Variants in STARD4 observed in about 807,000 individuals in gnomAD.
STARD4 encodes stAR-related lipid transfer protein 4.
In STARD4, 33 loss-of-function variants were observed where a neutral mutation model predicts 24.9. That is an observed-to-expected ratio of 1.32 (90% CI 1.00 to 1.77). The LOEUF (loss-of-function observed/expected upper bound fraction) is 1.77, where lower values mean the gene tolerates loss of function less well. Ranked by LOEUF, STARD4 falls within the 40% of genes most tolerant of loss-of-function variation. STARD4 has a pLI of 0.00. For synonymous variants in STARD4, 88 were observed against 77.4 expected, an observed-to-expected ratio of 1.14 and a Z score of -0.72; for missense variants, 238 against 249.3, an observed-to-expected ratio of 0.95 and a Z score of 0.31.
intron 5 of STARD4, chr5:111,500,386 A>AC (rs1756347550): frequency 9.8e-6 from 11 of 1,126,196 alleles, no homozygotes; most frequent in Non-Finnish European, 1.2e-5. Flanking sequence ...TGGTTGTAGT[A>AC]TCCAGGCCTT....
chr5:111,502,943 C>T (rs758044795), intron 3 of STARD4, among the ~76,000 whole-genome samples: 35 of 152,004 alleles, frequency 2.3e-4, no homozygotes, highest in Non-Finnish European at 3.5e-4. Context: ...GGCTATACTA[C>T]GTGTCATAAT....
In STARD4 at chr5:111,507,930, A is replaced by G. The variant is rs1361801706; in HGVS notation, c.-9-488T>C. Among the ~76,000 whole-genome samples the G allele has an allele frequency of 1.3e-5, 2 of 152,160 alleles. No individual in the cohort carries two copies. The highest frequency in any genetic ancestry group is 1.3e-4 in the Admixed American group (2 of 15,282). On this transcript the variant is annotated intron_variant, in intron 1 of 5. Transcript: ENST00000296632. The surrounding 1 kb of genome is among the most constrained non-coding windows in gnomAD (Gnocchi z 4.4). Reference sequence around the variant, plus strand: ...CAATTTACTATTAAAATGGCAATTGAGCCCAAGTTCTCAAGTCAAAAGGCT... The same window carrying G: ...CAATTTACTATTAAAATGGCAATTGGGCCCAAGTTCTCAAGTCAAAAGGCT...
intron 1 of STARD4, among the ~76,000 whole-genome samples, chr5:111,511,554 A>G (rs1157040552): frequency 1.3e-5 from 2 of 152,170 alleles, no homozygotes; most frequent in Non-Finnish European, 2.9e-5. Context: ...CTTAATGTCT[A>G]TACATTTTCC....
chr5:111,503,937 G>C (rs1284372299), intron 3 of STARD4, among the ~76,000 whole-genome samples: 1 of 152,106 alleles, frequency 6.6e-6, no homozygotes, highest in Non-Finnish European at 1.5e-5. Flanking sequence ...CCAAAGAAAA[G>C]ATGTGCAAAG....
chr5:111,497,070 T>C lies in STARD4; in HGVS notation c.*2816A>G, dbSNP rs1358727530. Reference sequence around the variant, plus strand: ...GAAACTAATTTCCTTAAAAAATAGCTACTATATACTGAAAACAGTATTATG... The same window carrying C: ...GAAACTAATTTCCTTAAAAAATAGCCACTATATACTGAAAACAGTATTATG... On this transcript the variant is annotated 3_prime_UTR_variant, in exon 6 of 6. Coordinates refer to ENST00000296632, the MANE Select transcript of STARD4 (RefSeq NM_139164.3). 1 of 152,034 alleles carries C rather than the reference T, an allele frequency of 6.6e-6. No individual in the cohort carries two copies. Among genetic ancestry groups the C allele is most frequent in the Non-Finnish European group, 1.5e-5 (1 of 67,924 alleles). The allele number at this position is 152,034 out of a possible 1,614,324, so 9.4% of individuals were successfully genotyped here. A position where few individuals can be genotyped will look rare whatever the true frequency, so the allele number is the denominator to read the frequency against.
chr5:111,500,444 G>A (rs907649121), intron 5 of STARD4: 8 of 1,062,930 alleles, frequency 7.5e-6, no homozygotes, highest in African/African-American at 6.7e-5. Flanking sequence ...TCCCCACAGC[G>A]ACTACCATAT....
rs1421935738 is a variant in STARD4, at chr5:111,497,257, A to G, written c.*2629T>C. 3.3e-5 allele frequency: 5 copies of G among 152,084 alleles called. No homozygotes were observed. The highest frequency in any genetic ancestry group is 7.4e-5 in the Non-Finnish European group (5 of 67,936). 9.4% of individuals were successfully genotyped at this position (152,084 alleles called of 1,614,324 possible). ...GAAAATATTTGCTGGCAATAATTTT[A>G]TCTCATTGACAACTGATTTATATCT... On this transcript the variant is annotated 3_prime_UTR_variant, in exon 6 of 6. Coordinates refer to ENST00000296632, the MANE Select transcript of STARD4 (RefSeq NM_139164.3).
chr5:111,501,815 C>T lies in STARD4; in HGVS notation c.282+147G>A, dbSNP rs1388631155. The T allele has an allele frequency of 4.5e-6, 5 of 1,103,680 alleles. No individual in the cohort carries two copies. In the African/African-American group the frequency reaches 7.8e-5, roughly 17 times the overall value. 68.4% of individuals were successfully genotyped at this position (1,103,680 alleles called of 1,614,324 possible). A position where few individuals can be genotyped will look rare whatever the true frequency, so the allele number is the denominator to read the frequency against. ...AAACTTTTTAAGAGGCAGCATGGGA[C>T]TCCCCTGTGATATCTTTGTCGTGAC... On this transcript the variant is annotated intron_variant, in intron 4 of 5. Coordinates refer to ENST00000296632, the MANE Select transcript of STARD4 (RefSeq NM_139164.3).
intron 1 of STARD4, among the ~76,000 whole-genome samples, chr5:111,508,426 C>A (rs1757018649): frequency 6.6e-6 from 1 of 152,054 alleles, no homozygotes; most frequent in Non-Finnish European, 1.5e-5. Flanking sequence ...GCCAGGGCAC[C>A]AATTTCTTAG....
At chr5:111,502,818 G>T (rs77859156) in intron 3 of STARD4, among the ~76,000 whole-genome samples, 1,952 of 136,996 alleles carry the variant, frequency 0.014, 24 homozygotes, top group Middle Eastern at 0.032. Flanking sequence ...AATAATGAAG[G>T]GTTTTTTTTT....
chr5:111,501,212 T>C (rs1756426486), intron 4 of STARD4, 96 bp from the exon 5 acceptor site: 7 of 1,227,344 alleles, frequency 5.7e-6, no homozygotes, highest in Non-Finnish European at 7.7e-6. Flanking sequence ...CTAATATTTA[T>C]TTAAAATGTT....
intron 1 of STARD4, among the ~76,000 whole-genome samples, chr5:111,510,377 C>T (rs1212182238): frequency 1.3e-5 from 2 of 152,214 alleles, no homozygotes; most frequent in Admixed American, 1.3e-4. Flanking sequence ...CTCCTGCAAT[C>T]TCCAACTGTG....
In STARD4 at chr5:111,499,828, G is replaced by T. The variant is rs866169800; in HGVS notation, c.*58C>A. The T allele has an allele frequency of 6.8e-6, 10 of 1,464,286 alleles. No individual in the cohort carries two copies. The highest frequency in any genetic ancestry group is 1.8e-4 in the Middle Eastern group (1 of 5,658). 90.7% of individuals were successfully genotyped at this position (1,464,286 alleles called of 1,614,324 possible). The stretch of plus-strand genomic sequence containing the variant: ...AAAAGTGGAATCAATGATTTTTACA[G>T]GCCATGTAGCTGAGAGAGTTGATCT... On this transcript the variant is annotated 3_prime_UTR_variant, in exon 6 of 6. Transcript: ENST00000296632.
chr5:111,508,579 A>C (rs1362451243), intron 1 of STARD4, among the ~76,000 whole-genome samples: 2 of 152,180 alleles, frequency 1.3e-5, no homozygotes, highest in Admixed American at 1.3e-4. Flanking sequence ...CATCTAAATG[A>C]AATCTCCTAA....
At position 111,501,444 on chromosome 5, in the gene STARD4, A is replaced by C. The variant is rs116205512; in HGVS notation, c.283-328T>G. On this transcript the variant is annotated intron_variant, in intron 4 of 5. Transcript: ENST00000296632. ...TTCAGTGTTTAAGATCAAATCCACAAATACTTTGACTGCAACATCAAACAT... is the reference window on the plus strand; with the variant it reads ...TTCAGTGTTTAAGATCAAATCCACACATACTTTGACTGCAACATCAAACAT... Among the ~76,000 whole-genome samples the C allele has an allele frequency of 4.2e-3, 647 of 152,336 alleles. 5 individuals carry two copies. Among genetic ancestry groups the C allele is most frequent in the African/African-American group, 0.014 (580 of 41,570 alleles).
intron 5 of STARD4, 134 bp downstream of exon 5, chr5:111,500,868 A>G: frequency 6.3e-7 from 1 of 1,579,436 alleles, no homozygotes; most frequent in Non-Finnish European, 8.6e-7. Flanking sequence ...CCTAGAGTTT[A>G]GCACTTGCAA....
rs763759126 is a variant in STARD4 at position 111,502,061 on chromosome 5, G to GTCA, written c.180_182dup (p.Asp61dup). On this transcript the variant is annotated inframe_insertion, in exon 4 of 6. Coordinates refer to ENST00000296632, the MANE Select transcript of STARD4 (RefSeq NM_139164.3). ...TATGGTCTATTATACTATAGACAAGGTCATCTATAACACCTTGGGCTTTGT... is the reference window on the plus strand; with the variant it reads ...TATGGTCTATTATACTATAGACAAGGTCATCATCTATAACACCTTGGGCTTTGT... 4 of 1,614,038 alleles carry GTCA rather than the reference G, an allele frequency of 2.5e-6. No homozygotes were observed. The highest frequency in any genetic ancestry group is 3.4e-6 in the Non-Finnish European group (4 of 1,179,976).
chr5:111,499,588 G>A lies in STARD4; in HGVS notation c.*298C>T, dbSNP rs1359993924. 1 of 305,138 alleles carries A rather than the reference G, an allele frequency of 3.3e-6. No individual in the cohort carries two copies. The highest frequency in any genetic ancestry group is 6.1e-6 in the Non-Finnish European group (1 of 164,020). 18.9% of individuals were successfully genotyped at this position (305,138 alleles called of 1,614,324 possible). A position where few individuals can be genotyped will look rare whatever the true frequency, so the allele number is the denominator to read the frequency against. On this transcript the variant is annotated 3_prime_UTR_variant, in exon 6 of 6. Transcript: ENST00000296632. ...ATTCCCAGCTATTCAGGAGGCTGAG[G>A]TAGAATAACCCCTTGAGCGGTCAGA...
In STARD4 at chr5:111,508,737, T is replaced by G. The variant is rs550029280; in HGVS notation, c.-9-1295A>C. Among the ~76,000 whole-genome samples, 66 of 152,280 alleles carry G rather than the reference T, an allele frequency of 4.3e-4. No individual in the cohort carries two copies. In the Middle Eastern group the frequency reaches 0.01, roughly 24 times the overall value. On this transcript the variant is annotated intron_variant, in intron 1 of 5. Coordinates refer to ENST00000296632, the MANE Select transcript of STARD4 (RefSeq NM_139164.3). ...CCCAGTGCCAAATAGTCTAATTCAG[T>G]GGCTTTGTTCTGGAATGGGCCTCAG...
Sources: allele counts gnomAD v4.1 joint callset (sites outside exome capture counted in the v4.1 genomes callset), GRCh38; gene constraint gnomAD v4.1.1; non-coding constraint Gnocchi (gnomAD v3.1); transcripts MANE v1.5; gene names NCBI Gene and HGNC (gene_info 2026-07-23, HGNC 2026-07-21).